The following NXPH1 variants were observed in gnomAD, a reference collection of about 807,000 sequenced individuals.
NXPH1 encodes the protein neurexophilin-1.
NXPH1 carries 5 observed loss-of-function variants against 23.7 expected under a neutral mutation model. The observed-to-expected ratio is 0.21, with a 90% CI of 0.11 to 0.44. The LOEUF (loss-of-function observed/expected upper bound fraction) is 0.44, where lower values mean the gene tolerates loss of function less well. NXPH1 is among the 20% of genes least tolerant of loss of function. The probability of loss-of-function intolerance (pLI) is 0.99; values close to 1 mark genes in which losing one functional copy is unlikely to be tolerated. For synonymous variants in NXPH1, 144 were observed against 122.2 expected (o/e 1.18, Z -1.18); for missense variants, 324 against 321.6 (o/e 1.01, Z -0.06).
chr7:8,550,072 G>A (rs1818254610), intron 2 of NXPH1, among the ~76,000 whole-genome samples: 1 of 151,556 alleles, frequency 6.6e-6, no homozygotes, highest in Non-Finnish European at 1.5e-5. Context: ...TTTTAAATAG[G>A]AGAAACCACC....
At chr7:8,606,874 T>C (rs1819504372) in intron 2 of NXPH1, among the ~76,000 whole-genome samples, 1 of 152,024 alleles carries the variant, frequency 6.6e-6, no homozygotes, top group Non-Finnish European at 1.5e-5. Flanking sequence ...GATGAGAACA[T>C]ATAGTTTCTT....
At chr7:8,472,150 A>G (rs1294275867) in intron 2 of NXPH1, among the ~76,000 whole-genome samples, 3 of 152,118 alleles carry the variant, frequency 2.0e-5, no homozygotes, top group South Asian at 4.1e-4. Flanking sequence ...ACTTACTGAT[A>G]TAGGTATATT....
chr7:8,555,603 T>C (rs560005756), intron 2 of NXPH1, among the ~76,000 whole-genome samples: 50 of 151,582 alleles, frequency 3.3e-4, no homozygotes, highest in Non-Finnish European at 6.1e-4. Flanking sequence ...GCACACCAGG[T>C]TGTAAAAGCT....
chr7:8,664,542 A>G (rs1326650946), intron 2 of NXPH1, among the ~76,000 whole-genome samples: 3 of 152,098 alleles, frequency 2.0e-5, no homozygotes, highest in Non-Finnish European at 4.4e-5. Flanking sequence ...TACCTTTAAT[A>G]CCATTCTCCA....
At chr7:8,737,471 G>C (rs998540023) in intron 2 of NXPH1, among the ~76,000 whole-genome samples, 3 of 152,118 alleles carry the variant, frequency 2.0e-5, no homozygotes, top group African/African-American at 2.4e-5. Context: ...CCAGTCTCTT[G>C]TGGCTTGTAG....
chr7:8,649,562 A>G (rs1316697333), intron 2 of NXPH1, among the ~76,000 whole-genome samples: 1 of 152,112 alleles, frequency 6.6e-6, no homozygotes, highest in Admixed American at 6.6e-5. Context: ...CTATGTTTTT[A>G]CTGATTGTGC....
intron 2 of NXPH1, among the ~76,000 whole-genome samples, chr7:8,656,812 C>A (rs989780904): frequency 2.0e-5 from 3 of 151,722 alleles, no homozygotes; most frequent in African/African-American, 4.8e-5. Context: ...TTTGTTCTTG[C>A]GATATTTTAC....
chr7:8,715,646 T>A lies in NXPH1; in HGVS notation c.55-35362T>A, dbSNP rs541464015. On this transcript the variant is annotated intron_variant, in intron 2 of 2. Coordinates refer to ENST00000405863, the MANE Select transcript of NXPH1 (RefSeq NM_152745.3). ...TTAAAAATAAAATGATTTGGGAAGG[T>A]TACACAGAGTCTGACTTAGGAGCCA... 1.7e-3 allele frequency among the ~76,000 whole-genome samples: 265 copies of A among 152,318 alleles called. 2 individuals are homozygous for A. The highest frequency in any genetic ancestry group is 3.7e-3 in the South Asian group (18 of 4,830).
intron 2 of NXPH1, among the ~76,000 whole-genome samples, chr7:8,626,618 A>C (rs143579781): frequency 7.2e-5 from 11 of 152,194 alleles, no homozygotes; most frequent in African/African-American, 2.6e-4. Context: ...ATTACACTGA[A>C]GTCAGGTCAT....
intron 2 of NXPH1, among the ~76,000 whole-genome samples, chr7:8,704,857 C>T (rs1052706693): frequency 2.6e-5 from 4 of 152,046 alleles, no homozygotes; most frequent in African/African-American, 9.7e-5. Context: ...AGTCAGCTTT[C>T]AGAACTGGAG....
intron 2 of NXPH1, among the ~76,000 whole-genome samples, chr7:8,689,184 A>G (rs926002590): frequency 6.6e-6 from 1 of 152,204 alleles, no homozygotes; most frequent in Non-Finnish European, 1.5e-5. Context: ...TTCAGAGTCA[A>G]GGGCACTCAG....
At chr7:8,731,200 T>G (rs1020203092) in intron 2 of NXPH1, among the ~76,000 whole-genome samples, 4 of 152,092 alleles carry the variant, frequency 2.6e-5, no homozygotes, top group African/African-American at 9.7e-5. Context: ...ATCAGCTCCT[T>G]TAAGCACTTC....
At chr7:8,496,561 G>A (rs190759595) in intron 2 of NXPH1, among the ~76,000 whole-genome samples, 113 of 152,138 alleles carry the variant, frequency 7.4e-4, no homozygotes, top group African/African-American at 2.7e-3. Flanking sequence ...AGAGAATTGT[G>A]TCATGAGTAC....
At chr7:8,588,252 A>G (rs1351595007) in intron 2 of NXPH1, among the ~76,000 whole-genome samples, 1 of 152,224 alleles carries the variant, frequency 6.6e-6, no homozygotes, top group Admixed American at 6.5e-5. Flanking sequence ...TACTGGGTAT[A>G]TACCCAAAGG....
chr7:8,514,042 CA>C, intron 2 of NXPH1, among the ~76,000 whole-genome samples: 1 of 152,066 alleles, frequency 6.6e-6, no homozygotes, highest in East Asian at 1.9e-4. Context: ...CTCTGTGTCC[CA>C]ATTGTTCCTT....
chr7:8,624,187 TGA>T (rs1819940903), intron 2 of NXPH1, among the ~76,000 whole-genome samples: 1 of 152,132 alleles, frequency 6.6e-6, no homozygotes, highest in African/African-American at 2.4e-5. Context: ...CTCTTAGGTA[TGA>T]GTTTTGGCAT....
At chr7:8,591,737 G>A (rs1819098340) in intron 2 of NXPH1, among the ~76,000 whole-genome samples, 2 of 152,016 alleles carry the variant, frequency 1.3e-5, no homozygotes, top group South Asian at 4.1e-4. Context: ...AATGTGGTAG[G>A]TACACAAAAT....
At chr7:8,598,368 A>G (rs1819275782) in intron 2 of NXPH1, among the ~76,000 whole-genome samples, 2 of 152,214 alleles carry the variant, frequency 1.3e-5, no homozygotes, top group South Asian at 2.1e-4. Flanking sequence ...GTTAATGAAT[A>G]GCTTAGTATC....
At chr7:8,685,915 G>T (rs1821140124) in intron 2 of NXPH1, among the ~76,000 whole-genome samples, 1 of 152,084 alleles carries the variant, frequency 6.6e-6, no homozygotes, top group South Asian at 2.1e-4. Flanking sequence ...AAAACAAAGA[G>T]TGTAATTGGA....
Sources: allele counts gnomAD v4.1 joint callset (sites outside exome capture counted in the v4.1 genomes callset), GRCh38; gene constraint gnomAD v4.1.1; transcripts MANE v1.5; gene names NCBI Gene and HGNC (gene_info 2026-07-23, HGNC 2026-07-21).